The following CLTCL1 variants were observed in gnomAD, a reference collection of about 807,000 sequenced individuals.
CLTCL1 encodes clathrin heavy chain like 1.
In CLTCL1, 159 loss-of-function variants were observed where a neutral mutation model predicts 190.0. The ratio of observed to expected loss-of-function variants is 0.84; its 90% confidence interval spans 0.74 to 0.95. The LOEUF (loss-of-function observed/expected upper bound fraction) is 0.95, where lower values mean the gene tolerates loss of function less well. Ranked by LOEUF, CLTCL1 falls within the 40% of genes least tolerant of loss-of-function variation. CLTCL1 has a pLI of 0.00. For missense variants in CLTCL1, 1,878 were observed against 2,033.4 expected (o/e 0.92, Z 1.47); for synonymous variants, 752 against 769.6 (o/e 0.98, Z 0.38).
At chr22:19,256,140 G>C (rs2086740724) in intron 2 of CLTCL1, among the ~76,000 whole-genome samples, 1 of 151,608 alleles carries the variant, frequency 6.6e-6, no homozygotes. Flanking sequence ...CAAAATCCCA[G>C]AATCCTTTTC....
At chr22:19,200,668 G>A (rs1023555693) in intron 23 of CLTCL1, among the ~76,000 whole-genome samples, 4 of 152,016 alleles carry the variant, frequency 2.6e-5, no homozygotes, top group Middle Eastern at 3.2e-3. Context: ...GTGAAACCCC[G>A]ACTCTACTAA....
intron 2 of CLTCL1, among the ~76,000 whole-genome samples, chr22:19,273,561 G>C (rs1246525245): frequency 2.6e-5 from 4 of 152,052 alleles, no homozygotes; most frequent in African/African-American, 4.8e-5. Flanking sequence ...ACGATCAAGT[G>C]AGACACAGCA....
At position 19,254,058 on chromosome 22, in the gene CLTCL1, C is replaced by T. The variant is rs1335983708; in HGVS notation, c.420G>A (p.Lys140=). Reference sequence around the variant, plus strand: ...CCAGACTGGTATGTCTATCAAACATCTTCATGGGCTGGGAGTCACCTTCCA... The same window carrying T: ...CCAGACTGGTATGTCTATCAAACATTTTCATGGGCTGGGAGTCACCTTCCA... ...WSMEGDSQPM[K]MFDRHTSLVG... The change falls in exon 3 of 33, where the codon AAG becomes AAA. Residue 140 remains lysine (K), a synonymous_variant. Coordinates refer to ENST00000427926, the MANE Select transcript of CLTCL1 (RefSeq NM_007098.4). 2.5e-6 allele frequency: 4 copies of T among 1,611,932 alleles called. No individual in the cohort carries two copies. Among genetic ancestry groups the T allele is most frequent in the Non-Finnish European group, 3.4e-6 (4 of 1,178,906 alleles).
intron 19 of CLTCL1, among the ~76,000 whole-genome samples, chr22:19,212,244 T>C (rs2085249127): frequency 1.3e-5 from 2 of 151,954 alleles, no homozygotes; most frequent in African/African-American, 2.4e-5. Flanking sequence ...GGAACTACAA[T>C]AGCTAAAACA....
At position 19,207,010 on chromosome 22, in the gene CLTCL1, ATTTTTTTTTTTT is replaced by A. The variant is rs781980213; in HGVS notation, c.3600+1132_3600+1143del. ...TGATTTTTGGTGACATAAACTACTAATTTTTTTTTTTTTTTTTTTTTTTTGAGACGGAGTCTC... is the reference window on the plus strand; with the variant it reads ...TGATTTTTGGTGACATAAACTACTAATTTTTTTTTTTTGAGACGGAGTCTC... On this transcript the variant is annotated intron_variant, in intron 22 of 32. Coordinates refer to ENST00000427926, the MANE Select transcript of CLTCL1 (RefSeq NM_007098.4). Among the ~76,000 whole-genome samples, 492 of 92,788 alleles carry A rather than the reference ATTTTTTTTTTTT, an allele frequency of 5.3e-3. 2 individuals are homozygous for A. The Middle Eastern group carries it at 0.1, about 20-fold the overall frequency. 60.9% of individuals were successfully genotyped at this position (92,788 alleles called of 152,430 possible).
rs1031187930 is a variant in CLTCL1 at position 19,179,975 on chromosome 22, G to A, written c.*21-6C>T. On this transcript the variant is annotated splice_polypyrimidine_tract_variant and splice_region_variant and intron_variant, in intron 32 of 32. Coordinates refer to ENST00000427926, the MANE Select transcript of CLTCL1 (RefSeq NM_007098.4). ...GGCTGGGCCCACGGCAGGGCCTGCA[G>A]AGGGGGAAGCCCACAATGAGCAGAG... The A allele has an allele frequency of 7.8e-5, 45 of 576,466 alleles. No homozygotes were observed. Among genetic ancestry groups the A allele is most frequent in the Non-Finnish European group, 1.2e-4 (39 of 323,924 alleles). The allele number at this position is 576,466 out of a possible 1,614,324, so 35.7% of individuals were successfully genotyped here.
At chr22:19,197,168 T>C (rs1008665047) in intron 24 of CLTCL1, among the ~76,000 whole-genome samples, 1 of 152,180 alleles carries the variant, frequency 6.6e-6, no homozygotes, top group Non-Finnish European at 1.5e-5. Flanking sequence ...CTGCTCAGCA[T>C]GCAGAAAGCC....
intron 3 of CLTCL1, among the ~76,000 whole-genome samples, chr22:19,247,780 C>T (rs11089261): frequency 8.6e-5 from 13 of 151,940 alleles, no homozygotes; most frequent in African/African-American, 2.7e-4. Context: ...AGGCTGGTCT[C>T]GAACTCCTGA....
At chr22:19,282,692 A>G (rs1305420994) in intron 1 of CLTCL1, among the ~76,000 whole-genome samples, 2 of 151,996 alleles carry the variant, frequency 1.3e-5, no homozygotes, top group African/African-American at 2.4e-5. Flanking sequence ...TAATAGTACA[A>G]TGAGTGGGGA....
intron 1 of CLTCL1, among the ~76,000 whole-genome samples, chr22:19,284,111 A>T (rs1440937397): frequency 1.3e-5 from 2 of 152,216 alleles, no homozygotes; most frequent in Admixed American, 1.3e-4. Context: ...TGGGAGGACT[A>T]CAACTGTGTT....
chr22:19,180,769 T>C lies in CLTCL1; in HGVS notation c.4865A>G (p.Gln1622Arg), dbSNP rs1351970595. The C allele has an allele frequency of 6.2e-7, 1 of 1,613,704 alleles. No individual in the cohort carries two copies. The change falls in exon 31 of 33, where the codon CAA becomes CGA. Residue 1622 changes from glutamine to arginine, a missense_variant. Transcript: ENST00000427926. ...GGCAGGCTCTGTCACATGCTCCTCT[T>C]GCTTGCGCAGACTCTCCAAGGCATC... ...KLDALESLRK[Q>R]EEHVTEPAPL...
intron 1 of CLTCL1, among the ~76,000 whole-genome samples, chr22:19,276,587 C>T (rs1178761572): frequency 6.6e-6 from 1 of 152,198 alleles, no homozygotes; most frequent in African/African-American, 2.4e-5. Context: ...ATGTTTATCA[C>T]TCCCACAAAG....
chr22:19,258,486 CTA>C (rs2086838380), intron 2 of CLTCL1: 1 of 482,910 alleles, frequency 2.1e-6, no homozygotes, highest in African/African-American at 2.0e-5. Flanking sequence ...GGAGAACAGC[CTA>C]AGGGAGGTGG....
In CLTCL1 at chr22:19,233,382, A is replaced by T. The variant is rs370228470; in HGVS notation, c.1368+40T>A. ...GGTAGGGAGCCTGGACCAAGTTTTCAAGCTGTGCGGGGGGGCTACGAGCTC... is the reference window on the plus strand; with the variant it reads ...GGTAGGGAGCCTGGACCAAGTTTTCTAGCTGTGCGGGGGGGCTACGAGCTC... On this transcript the variant is annotated intron_variant, in intron 8 of 32. Transcript: ENST00000427926. 5.6e-6 allele frequency: 9 copies of T among 1,610,966 alleles called. No homozygotes were observed. In the African/African-American group the frequency reaches 1.1e-4, roughly 19 times the overall value.
intron 27 of CLTCL1, 58 bp from the exon 28 acceptor site, chr22:19,188,149 G>C: frequency 2.0e-6 from 3 of 1,510,650 alleles, no homozygotes; most frequent in Non-Finnish European, 2.8e-6. Context: ...GGGACACTAG[G>C]CAGGGGCACA....
intron 2 of CLTCL1, among the ~76,000 whole-genome samples, chr22:19,256,926 T>C (rs1175712399): frequency 6.6e-6 from 1 of 152,182 alleles, no homozygotes; most frequent in African/African-American, 2.4e-5. Context: ...TACCTAATGT[T>C]GAGATGTACT....
At chr22:19,213,365 T>C (rs2085291241) in intron 19 of CLTCL1, among the ~76,000 whole-genome samples, 3 of 152,196 alleles carry the variant, frequency 2.0e-5, no homozygotes, top group South Asian at 2.1e-4. Context: ...CTCTCACATA[T>C]TGCTGGTGGG....
chr22:19,257,749 G>C, intron 2 of CLTCL1: 1 of 1,331,806 alleles, frequency 7.5e-7, no homozygotes, highest in Non-Finnish European at 1.0e-6. Context: ...GGAATAGGGG[G>C]CATCTAGAAT....
chr22:19,191,454 A>G lies in CLTCL1; in HGVS notation c.4192-19T>C. On this transcript the variant is annotated intron_variant, in intron 26 of 32. Coordinates refer to ENST00000427926, the MANE Select transcript of CLTCL1 (RefSeq NM_007098.4). ...TGGCAACCTGTGGTGAGCAAAGCTG[A>G]GGGTCAGTCCCTGCCGCTGTCTCCA... is the stretch of plus-strand genomic sequence containing the variant. 1 of 1,611,630 alleles carries G rather than the reference A, an allele frequency of 6.2e-7. No individual in the cohort carries two copies. The highest frequency in any genetic ancestry group is 8.5e-7 in the Non-Finnish European group (1 of 1,179,744).
Sources: gnomAD v4.1 joint callset for allele counts (sites outside exome capture counted in the v4.1 genomes callset) on GRCh38, gnomAD v4.1.1 for gene constraint, MANE v1.5 for transcripts, NCBI Gene and HGNC (gene_info 2026-07-23, HGNC 2026-07-21) for gene names.